Variants in RARB observed in about 807,000 individuals in gnomAD.
The protein encoded by RARB is HBV-activated protein.
Under a neutral mutation model 51.9 loss-of-function variants are expected in RARB, and 17 were observed. That is an observed-to-expected ratio of 0.33 (90% CI 0.22 to 0.49). The LOEUF (loss-of-function observed/expected upper bound fraction) is 0.49, where lower values mean the gene tolerates loss of function less well. Among genes scored for constraint, RARB ranks in the 20% least tolerant of loss-of-function variants. The pLI, the probability that RARB is intolerant of heterozygous loss-of-function variation, is 0.99. For missense variants in RARB, 369 were observed against 550.8 expected (o/e 0.67, Z 3.30); for synonymous variants, 215 against 195.4 (o/e 1.10, Z -0.84).
At chr3:25,333,308 G>C (rs1391693673) in intron 5 of RARB, among the ~76,000 whole-genome samples, 1 of 152,132 alleles carries the variant, frequency 6.6e-6, no homozygotes, top group African/African-American at 2.4e-5. Flanking sequence ...AAAACAGCAT[G>C]GTACTGGTAC....
At chr3:24,967,600 T>C (rs1482403715) in intron 2 of RARB, among the ~76,000 whole-genome samples, 2 of 152,144 alleles carry the variant, frequency 1.3e-5, no homozygotes, top group Non-Finnish European at 2.9e-5. Flanking sequence ...GAATGAGTTA[T>C]TACCCTTCCA....
chr3:25,215,817 T>C (rs1336652696), intron 5 of RARB, among the ~76,000 whole-genome samples: 1 of 152,172 alleles, frequency 6.6e-6, no homozygotes, highest in African/African-American at 2.4e-5. Context: ...TTCTCTGGAA[T>C]GTTCTACAAA....
At chr3:25,558,513 G>A (rs950831535) in intron 3 of RARB, among the ~76,000 whole-genome samples, 1 of 146,350 alleles carries the variant, frequency 6.8e-6, no homozygotes, top group Non-Finnish European at 1.5e-5. Context: ...CAATTCCCAA[G>A]GATTAGTTCC....
At chr3:25,395,754 A>C (rs1248557674) in intron 5 of RARB, among the ~76,000 whole-genome samples, 1 of 151,354 alleles carries the variant, frequency 6.6e-6, no homozygotes, top group East Asian at 1.9e-4. Flanking sequence ...GATTTTTTCC[A>C]TCCATATCTT....
At chr3:24,957,634 C>G (rs1233326841) in intron 2 of RARB, among the ~76,000 whole-genome samples, 3 of 152,198 alleles carry the variant, frequency 2.0e-5, no homozygotes, top group African/African-American at 7.2e-5. Flanking sequence ...AACTATTAGT[C>G]TATCATTTTG....
intron 2 of RARB, among the ~76,000 whole-genome samples, chr3:25,474,861 G>A (rs751858513): frequency 6.6e-6 from 1 of 152,140 alleles, no homozygotes; most frequent in African/African-American, 2.4e-5. Flanking sequence ...TGGAAAGTAT[G>A]CCCTACTTAA....
intron 5 of RARB, among the ~76,000 whole-genome samples, chr3:25,592,141 C>A (rs1195048758): frequency 6.6e-6 from 1 of 152,198 alleles, no homozygotes; most frequent in South Asian, 2.1e-4. Flanking sequence ...CTTTACTACT[C>A]CTCCTAGGTA....
chr3:24,927,489 A>C (rs1416422012), intron 2 of RARB, among the ~76,000 whole-genome samples: 2 of 152,080 alleles, frequency 1.3e-5, no homozygotes, highest in African/African-American at 4.8e-5. Context: ...ATGTATTGAG[A>C]TTGAAAGCTC....
intron 5 of RARB, among the ~76,000 whole-genome samples, chr3:25,305,155 C>A (rs1234419403): frequency 6.6e-6 from 1 of 152,114 alleles, no homozygotes; most frequent in Non-Finnish European, 1.5e-5. Context: ...CTGCAACCTG[C>A]ATAATTAGAC....
At chr3:24,902,771 T>A (rs1403226202) in intron 2 of RARB, among the ~76,000 whole-genome samples, 1 of 152,206 alleles carries the variant, frequency 6.6e-6, no homozygotes, top group Admixed American at 6.5e-5. Context: ...TTGGTAAAAA[T>A]GAGTCTAATT....
chr3:24,835,907 A>T (rs545018716), intron 1 of RARB, among the ~76,000 whole-genome samples: 56 of 152,278 alleles, frequency 3.7e-4, no homozygotes, highest in Admixed American at 1.7e-3. Context: ...AGAAAGCATG[A>T]TAGAGGCAAT....
intron 7 of RARB, 87 bp downstream of exon 7, chr3:25,594,765 T>C: frequency 2.4e-6 from 3 of 1,228,610 alleles, no homozygotes; most frequent in Non-Finnish European, 3.2e-6. Flanking sequence ...TTCAGGATGT[T>C]TAATGGCTGC....
intron 5 of RARB, among the ~76,000 whole-genome samples, chr3:25,375,760 G>A (rs1204256349): frequency 2.6e-5 from 4 of 152,112 alleles, no homozygotes; most frequent in African/African-American, 9.7e-5. Context: ...ATGTATGCTG[G>A]GATGCATGTA....
intron 3 of RARB, among the ~76,000 whole-genome samples, chr3:25,100,039 C>T: frequency 6.6e-6 from 1 of 152,082 alleles, no homozygotes; most frequent in East Asian, 1.9e-4. Flanking sequence ...GCCTTTTTAC[C>T]ACAAAAACAC....
At chr3:25,325,679 T>C (rs1704695008) in intron 5 of RARB, among the ~76,000 whole-genome samples, 1 of 151,894 alleles carries the variant, frequency 6.6e-6, no homozygotes, top group African/African-American at 2.4e-5. Flanking sequence ...TGTGTATAAA[T>C]GGAATGTTGT....
Position 25,371,899 on chromosome 3 carries a change from T to A in RARB, c.179-89294T>A, listed in dbSNP as rs1371818778. Reference sequence around the variant, plus strand: ...AAGAAAGTGTAGAGGAGTGTTGAGGTTGAGTGGTCAGGGAAGGCCCCACTG... The same window carrying A: ...AAGAAAGTGTAGAGGAGTGTTGAGGATGAGTGGTCAGGGAAGGCCCCACTG... On this transcript the variant is annotated intron_variant, in intron 5 of 11. Transcript: ENST00000383772. Among the ~76,000 whole-genome samples the A allele has an allele frequency of 2.6e-5, 4 of 152,062 alleles. No individual in the cohort carries two copies. The East Asian group carries it at 7.7e-4, about 29-fold the overall frequency.
intron 2 of RARB, among the ~76,000 whole-genome samples, chr3:25,461,912 A>T (rs1336084382): frequency 1.3e-5 from 2 of 152,182 alleles, no homozygotes; most frequent in Admixed American, 1.3e-4. Context: ...ACAAACAAAA[A>T]ACAAAGAACT....
At chr3:25,239,428 G>A (rs995199878) in intron 5 of RARB, among the ~76,000 whole-genome samples, 20 of 152,090 alleles carry the variant, frequency 1.3e-4, no homozygotes, top group Non-Finnish European at 2.8e-4. Context: ...TAATTTTATA[G>A]TTTTGGGTGT....
intron 1 of RARB, among the ~76,000 whole-genome samples, chr3:25,455,621 T>C (rs1218136652): frequency 6.6e-6 from 1 of 152,190 alleles, no homozygotes; most frequent in Non-Finnish European, 1.5e-5. Context: ...TCCCTGAGGC[T>C]CACTGTCTCC....
Sources: gnomAD v4.1 joint callset for allele counts (sites outside exome capture counted in the v4.1 genomes callset) on GRCh38, gnomAD v4.1.1 for gene constraint, MANE v1.5 for transcripts, NCBI Gene and HGNC (gene_info 2026-07-23, HGNC 2026-07-21) for gene names.